The following LPP variants were observed in gnomAD, a reference collection of about 807,000 sequenced individuals.
The protein encoded by LPP is lipoma-preferred partner.
LPP carries 38 observed loss-of-function variants against 60.4 expected under a neutral mutation model. That is an observed-to-expected ratio of 0.63 (90% CI 0.49 to 0.83). LPP has a LOEUF of 0.83. Among genes scored for constraint, LPP ranks in the 40% least tolerant of loss-of-function variants. LPP has a pLI of 0.00. For synonymous variants in LPP, 328 were observed against 290.8 expected, an observed-to-expected ratio of 1.13 and a Z score of -1.30; for missense variants, 902 against 783.6, an observed-to-expected ratio of 1.15 and a Z score of -1.80.
intron 1 of LPP, among the ~76,000 whole-genome samples, chr3:188,194,516 A>G (rs1729010820): frequency 6.6e-6 from 1 of 152,190 alleles, no homozygotes; most frequent in Admixed American, 6.5e-5. Flanking sequence ...GGCAAGCTCT[A>G]TCCAGTTCTA....
intron 2 of LPP, among the ~76,000 whole-genome samples, chr3:188,259,323 C>T (rs1486173744): frequency 6.6e-6 from 1 of 152,198 alleles, no homozygotes; most frequent in Non-Finnish European, 1.5e-5. Flanking sequence ...GTTCACCCCA[C>T]ACCTGACACC....
In LPP at chr3:188,854,411, C is replaced by T. The variant is rs141469353; in HGVS notation, c.1411-11789C>T. Among the ~76,000 whole-genome samples, 3 of 152,246 alleles carry T rather than the reference C, an allele frequency of 2.0e-5. No homozygotes were observed. In the East Asian group the frequency reaches 5.8e-4, roughly 29 times the overall value. On this transcript the variant is annotated intron_variant, in intron 9 of 11. Transcript: ENST00000617246. ...AATTCTCATGAATGGGTCCTAGAGC[C>T]GACATTTGACATACACATCAGCAGT...
At chr3:188,782,637 G>C (rs1438582227) in intron 9 of LPP, among the ~76,000 whole-genome samples, 1 of 151,724 alleles carries the variant, frequency 6.6e-6, no homozygotes, top group African/African-American at 2.4e-5. Flanking sequence ...CATGAATGCA[G>C]TTCCTAGCCT....
chr3:188,209,304 G>T (rs533219090), intron 1 of LPP, among the ~76,000 whole-genome samples: 1 of 152,292 alleles, frequency 6.6e-6, no homozygotes, highest in South Asian at 2.1e-4. Flanking sequence ...CAATGAGACT[G>T]GGAAATCATT....
At chr3:188,239,473 C>T (rs1305927886) in intron 2 of LPP, among the ~76,000 whole-genome samples, 1 of 152,146 alleles carries the variant, frequency 6.6e-6, no homozygotes, top group Non-Finnish European at 1.5e-5. Flanking sequence ...TTTCTGTGCT[C>T]AATTTTATTT....
chr3:188,428,580 C>CTA (rs5855196), intron 4 of LPP, among the ~76,000 whole-genome samples: 25,462 of 137,188 alleles, frequency 0.19, 2,619 homozygotes, highest in East Asian at 0.28. Context: ...GGGATGGGCA[C>CTA]TATATATATA....
At chr3:188,221,676 A>T (rs899774589) in intron 1 of LPP, among the ~76,000 whole-genome samples, 1 of 152,208 alleles carries the variant, frequency 6.6e-6, no homozygotes, top group Non-Finnish European at 1.5e-5. Flanking sequence ...CCCACATACC[A>T]GTAGATGTCT....
chr3:188,676,465 A>G (rs758103222), intron 7 of LPP, among the ~76,000 whole-genome samples: 2 of 142,320 alleles, frequency 1.4e-5, no homozygotes, highest in Non-Finnish European at 3.1e-5. Context: ...AAAAACGTGT[A>G]TTTTCTAACC....
chr3:188,309,123 C>T (rs191408297), intron 2 of LPP, among the ~76,000 whole-genome samples: 3 of 150,154 alleles, frequency 2.0e-5, no homozygotes, highest in East Asian at 2.0e-4. Flanking sequence ...CAGGTTCAAG[C>T]GATTCTCCTG....
At chr3:188,227,309 G>T (rs1718152425) in intron 2 of LPP, among the ~76,000 whole-genome samples, 1 of 149,296 alleles carries the variant, frequency 6.7e-6, no homozygotes, top group Non-Finnish European at 1.5e-5. Flanking sequence ...CTAGCATTAG[G>T]TATATCTCCT....
intron 2 of LPP, among the ~76,000 whole-genome samples, chr3:188,264,808 T>C (rs1577680001): frequency 1.3e-5 from 2 of 150,874 alleles, no homozygotes; most frequent in Admixed American, 1.3e-4. Flanking sequence ...CTCTCTCTCT[T>C]TCTTTTCTTT....
intron 7 of LPP, among the ~76,000 whole-genome samples, chr3:188,637,416 G>C (rs1849046519): frequency 6.6e-6 from 1 of 151,882 alleles, no homozygotes; most frequent in Admixed American, 6.6e-5. Flanking sequence ...AAGCAGGAAA[G>C]ATCCAAAATT....
intron 8 of LPP, among the ~76,000 whole-genome samples, chr3:188,715,233 C>G (rs1713351948): frequency 6.6e-6 from 1 of 151,832 alleles, no homozygotes; most frequent in Admixed American, 6.6e-5. Context: ...CAAAAATCAG[C>G]TGGGCATGGT....
chr3:188,526,085 C>A (rs1820502299), intron 6 of LPP, among the ~76,000 whole-genome samples: 1 of 152,156 alleles, frequency 6.6e-6, no homozygotes, highest in Non-Finnish European at 1.5e-5. Flanking sequence ...GCTAGAGAAG[C>A]AGTATTGTCA....
chr3:188,773,230 CTTT>C, intron 9 of LPP, among the ~76,000 whole-genome samples: 1 of 151,968 alleles, frequency 6.6e-6, no homozygotes, highest in East Asian at 1.9e-4. Flanking sequence ...CTCCCTGGAT[CTTT>C]TTTTTGCTCT....
chr3:188,327,531 G>T (rs4377487), intron 2 of LPP, among the ~76,000 whole-genome samples: 19,119 of 152,098 alleles, frequency 0.13, 1,764 homozygotes, highest in East Asian at 0.31. Flanking sequence ...AAGCATATAA[G>T]TGGAGCAGTA....
intron 9 of LPP, among the ~76,000 whole-genome samples, chr3:188,778,559 G>A (rs1376183028): frequency 2.0e-5 from 3 of 152,162 alleles, no homozygotes; most frequent in African/African-American, 7.2e-5. Context: ...CTTTCTAGCA[G>A]AAATGATCTT....
intron 5 of LPP, among the ~76,000 whole-genome samples, chr3:188,511,752 G>A (rs555662234): frequency 9.9e-5 from 15 of 152,206 alleles, no homozygotes; most frequent in African/African-American, 2.4e-4. Context: ...GGAATAGCTC[G>A]ATGAGATCGT....
At chr3:188,785,547 TACACAC>T (rs1177987893) in intron 9 of LPP, among the ~76,000 whole-genome samples, 1 of 43,838 alleles carries the variant, frequency 2.3e-5, no homozygotes, top group African/African-American at 9.4e-5. Context: ...TATATATATA[TACACAC>T]ACACACACAC....
Sources: allele counts gnomAD v4.1 joint callset (sites outside exome capture counted in the v4.1 genomes callset), GRCh38; gene constraint gnomAD v4.1.1; transcripts MANE v1.5; gene names NCBI Gene and HGNC (gene_info 2026-07-23, HGNC 2026-07-21).